DCDC1: variants seen among roughly 807,000 people sequenced by gnomAD.
DCDC1 encodes the protein doublecortin domain-containing protein 1.
In DCDC1, 200 loss-of-function variants were observed where a neutral mutation model predicts 178.3. The ratio of observed to expected loss-of-function variants is 1.12; its 90% CI spans 1.00 to 1.26. DCDC1 has a LOEUF of 1.26. Ranked by LOEUF, DCDC1 falls within the 50% of genes most tolerant of loss-of-function variation. The pLI is 0.00. For missense variants in DCDC1, 1,983 were observed against 1,749.2 expected (o/e 1.13, Z -2.38); for synonymous variants, 690 against 604.8 (o/e 1.14, Z -2.07).
intron 2 of DCDC1, among the ~76,000 whole-genome samples, chr11:31,332,469 T>G (rs1439152878): frequency 1.3e-5 from 2 of 152,220 alleles, no homozygotes; most frequent in African/African-American, 4.8e-5. Context: ...AATTGTGATG[T>G]TAGGGTGTCA....
intron 21 of DCDC1, among the ~76,000 whole-genome samples, chr11:30,947,864 TA>T (rs1459227139): frequency 6.6e-6 from 1 of 151,058 alleles, no homozygotes; most frequent in Non-Finnish European, 1.5e-5. Flanking sequence ...AACAACTCAA[TA>T]GGAAAAAAAA....
At chr11:31,008,877 GA>G in intron 20 of DCDC1, among the ~76,000 whole-genome samples, 1 of 152,088 alleles carries the variant, frequency 6.6e-6, no homozygotes, top group East Asian at 1.9e-4. Context: ...ATACCTAGTT[GA>G]AATGTTTTAA....
intron 1 of DCDC1, among the ~76,000 whole-genome samples, chr11:31,352,486 G>A (rs2133307757): frequency 6.6e-6 from 1 of 152,250 alleles, no homozygotes; most frequent in Non-Finnish European, 1.5e-5. Flanking sequence ...AGCAACGTAA[G>A]AGCTTTCGAC....
chr11:31,232,780 C>T (rs1000462081), intron 9 of DCDC1, among the ~76,000 whole-genome samples: 2 of 152,102 alleles, frequency 1.3e-5, no homozygotes, highest in Admixed American at 1.3e-4. Flanking sequence ...CCCCAGTGAG[C>T]ACTTACTAGG....
intron 2 of DCDC1, among the ~76,000 whole-genome samples, chr11:31,331,884 C>T (rs1454421327): frequency 2.0e-5 from 3 of 152,094 alleles, no homozygotes; most frequent in Non-Finnish European, 4.4e-5. Context: ...CAGGATGATG[C>T]TGGCCTCATA....
intron 7 of DCDC1, among the ~76,000 whole-genome samples, chr11:31,275,348 A>G (rs1591613810): frequency 6.6e-6 from 1 of 152,094 alleles, no homozygotes. Flanking sequence ...AAATAAGAAA[A>G]CCTCTTCACA....
intron 33 of DCDC1, 151 bp downstream of exon 33, chr11:30,900,195 A>G (rs1944555888): frequency 2.8e-6 from 2 of 723,862 alleles, no homozygotes; most frequent in Middle Eastern, 2.6e-4. Context: ...CTGTGCACAT[A>G]TTAGTTGATG....
chr11:31,341,812 T>TACACACACACAC (rs34730979), intron 1 of DCDC1, among the ~76,000 whole-genome samples: 3,820 of 144,514 alleles, frequency 0.026, 128 homozygotes, highest in African/African-American at 0.079. Context: ...TGCATGACTA[T>TACACACACACAC]ACACACACAC....
At chr11:31,285,718 T>C (rs958244411) in intron 7 of DCDC1, among the ~76,000 whole-genome samples, 32 of 152,302 alleles carry the variant, frequency 2.1e-4, no homozygotes, top group African/African-American at 6.0e-4. Flanking sequence ...TGCTTTTTTA[T>C]ACCTTGACAT....
At chr11:31,154,070 C>T (rs1284265646) in intron 9 of DCDC1, among the ~76,000 whole-genome samples, 3 of 152,168 alleles carry the variant, frequency 2.0e-5, no homozygotes, top group African/African-American at 7.2e-5. Context: ...TGAGTTCTCA[C>T]AAGATCTGGT....
At chr11:31,283,594 C>A (rs1038363772) in intron 7 of DCDC1, among the ~76,000 whole-genome samples, 20 of 151,856 alleles carry the variant, frequency 1.3e-4, no homozygotes, top group African/African-American at 4.8e-4. Context: ...ATTATCTTTA[C>A]TGGAATCTTC....
intron 20 of DCDC1, among the ~76,000 whole-genome samples, chr11:31,033,331 C>A (rs1437414685): frequency 2.0e-5 from 3 of 152,052 alleles, no homozygotes; most frequent in Non-Finnish European, 4.4e-5. Flanking sequence ...TATTTATATA[C>A]TCTGTTTTAC....
At chr11:31,275,595 C>T (rs376443991) in intron 7 of DCDC1, among the ~76,000 whole-genome samples, 1 of 152,078 alleles carries the variant, frequency 6.6e-6, no homozygotes, top group Non-Finnish European at 1.5e-5. Flanking sequence ...ACCTCTGCCT[C>T]CCGGGTTCAA....
intron 9 of DCDC1, among the ~76,000 whole-genome samples, chr11:31,213,340 G>C (rs879475628): frequency 2.4e-4 from 36 of 151,720 alleles, no homozygotes; most frequent in Non-Finnish European, 1.2e-4. Context: ...TTTAATTCCT[G>C]CCTGGCTCCT....
chr11:31,185,778 A>G (rs1201547832), intron 9 of DCDC1, among the ~76,000 whole-genome samples: 1 of 152,178 alleles, frequency 6.6e-6, no homozygotes, highest in African/African-American at 2.4e-5. Flanking sequence ...TTGCCATGCA[A>G]AAGACCAGCT....
rs1955972302 is a variant in DCDC1 at position 31,062,241 on chromosome 11, C to G, written c.2591+2228G>C. On this transcript the variant is annotated intron_variant, in intron 20 of 38. Transcript: ENST00000684477. Reference sequence around the variant, plus strand: ...GTCCCAAGATAATGACAAGCGCCAGCTTTCCCTCAAAAATGGCTGAGTAGA... The same window carrying G: ...GTCCCAAGATAATGACAAGCGCCAGGTTTCCCTCAAAAATGGCTGAGTAGA... 2.0e-5 allele frequency among the ~76,000 whole-genome samples: 3 copies of G among 152,106 alleles called. No individual in the cohort carries two copies. In the South Asian group the frequency reaches 6.2e-4, roughly 32 times the overall value.
intron 9 of DCDC1, among the ~76,000 whole-genome samples, chr11:31,213,228 A>G (rs903131791): frequency 6.2e-5 from 9 of 145,328 alleles, no homozygotes; most frequent in African/African-American, 2.1e-4. Flanking sequence ...CAGTCACTTC[A>G]CCCCAGTCTG....
intron 7 of DCDC1, among the ~76,000 whole-genome samples, chr11:31,278,233 C>T (rs1280911431): frequency 6.6e-6 from 1 of 152,012 alleles, no homozygotes; most frequent in East Asian, 1.9e-4. Context: ...TTTCTTTGCC[C>T]TTTATGTGTA....
Position 30,972,205 on chromosome 11 carries a change from CAG to C in DCDC1, c.2592-19639_2592-19638del, listed in dbSNP as rs1348233757. Among the ~76,000 whole-genome samples, 3 of 152,092 alleles carry C rather than the reference CAG, an allele frequency of 2.0e-5. No homozygotes were observed. The East Asian group carries it at 5.8e-4, about 29-fold the overall frequency. Reference sequence around the variant, plus strand: ...ATAGTATAACTGGCAAAGTCAATAACAGAGAAAATTCTAAACACAGCTAGAGA... The same window carrying C: ...ATAGTATAACTGGCAAAGTCAATAACAGAAAATTCTAAACACAGCTAGAGA... On this transcript the variant is annotated intron_variant, in intron 20 of 38. Coordinates refer to ENST00000684477, the MANE Select transcript of DCDC1 (RefSeq NM_001387274.1).
Sources: gnomAD v4.1 joint callset for allele counts (sites outside exome capture counted in the v4.1 genomes callset) on GRCh38, gnomAD v4.1.1 for gene constraint, MANE v1.5 for transcripts, NCBI Gene and HGNC (gene_info 2026-07-23, HGNC 2026-07-21) for gene names.